Variants in MTG1 observed in about 807,000 individuals in gnomAD.
MTG1 encodes the protein mitochondrial ribosome-associated GTPase 1.
Under a neutral mutation model 39.5 loss-of-function variants are expected in MTG1, and 30 were observed. The observed-to-expected ratio is 0.76, with a 90% CI of 0.57 to 1.03. The LOEUF (loss-of-function observed/expected upper bound fraction) is 1.03, where lower values mean the gene tolerates loss of function less well. Ranked by LOEUF, MTG1 falls within the 50% of genes least tolerant of loss-of-function variation. The probability of loss-of-function intolerance (pLI) is 0.00; values close to 1 mark genes in which losing one functional copy is unlikely to be tolerated. For synonymous variants in MTG1, 217 were observed against 179.0 expected (o/e 1.21, Z -1.69); for missense variants, 513 against 447.4 (o/e 1.15, Z -1.32).
chr10:133,394,887 T>G (rs1311131841), intron 1 of MTG1: 2 of 314,014 alleles, frequency 6.4e-6, no homozygotes, highest in African/African-American at 4.5e-5. Flanking sequence ...CTGCGTCGGC[T>G]CCGCGTGTAC....
chr10:133,395,402 A>C (rs1849767468), intron 1 of MTG1, among the ~76,000 whole-genome samples: 1 of 152,166 alleles, frequency 6.6e-6, no homozygotes, highest in African/African-American at 2.4e-5. Flanking sequence ...CTCAGAAAAC[A>C]AAAAAGCGAC....
intron 9 of MTG1, among the ~76,000 whole-genome samples, chr10:133,407,828 C>T (rs1052440487): frequency 6.6e-6 from 1 of 152,166 alleles, no homozygotes; most frequent in Non-Finnish European, 1.5e-5. Flanking sequence ...CCTTGACCTC[C>T]CAAAGTGCTG....
intron 4 of MTG1, 147 bp downstream of exon 4, chr10:133,398,662 C>T (rs1033976093): frequency 2.2e-6 from 2 of 891,186 alleles, no homozygotes; most frequent in African/African-American, 3.4e-5. Context: ...GATGCGATCT[C>T]CTGGGGCAAG....
At position 133,394,166 on chromosome 10, in the gene MTG1, T is replaced by A; in HGVS notation, c.-55T>A. 2 of 1,361,176 alleles carry A rather than the reference T, an allele frequency of 1.5e-6. No individual in the cohort carries two copies. Among genetic ancestry groups the A allele is most frequent in the South Asian group, 1.3e-5 (1 of 74,752 alleles). The allele number at this position is 1,361,176 out of a possible 1,614,324, so 84.3% of individuals were successfully genotyped here. A position where few individuals can be genotyped will look rare whatever the true frequency, so the allele number is the denominator to read the frequency against. On this transcript the variant is annotated 5_prime_UTR_variant, in exon 1 of 11. Coordinates refer to ENST00000317502, the MANE Select transcript of MTG1 (RefSeq NM_138384.4). Reference sequence around the variant, plus strand: ...GCAGCGCCGGAACCTCAGAGGCGGGTCGCAGCGGCGCAGAGGAGGTCAGCT... The same window carrying A: ...GCAGCGCCGGAACCTCAGAGGCGGGACGCAGCGGCGCAGAGGAGGTCAGCT...
intron 9 of MTG1, among the ~76,000 whole-genome samples, chr10:133,417,258 A>G (rs1850145839): frequency 6.6e-6 from 1 of 151,512 alleles, no homozygotes; most frequent in Non-Finnish European, 1.5e-5. Context: ...CAGCATATAA[A>G]CAGAACCAAA....
chr10:133,402,934 C>T lies in MTG1; in HGVS notation c.752+161C>T. The T allele has an allele frequency of 1.7e-6, 1 of 581,748 alleles. No homozygotes were observed. The highest frequency in any genetic ancestry group is 3.0e-6 in the Non-Finnish European group (1 of 331,638). 36.0% of individuals were successfully genotyped at this position (581,748 alleles called of 1,614,324 possible). A position where few individuals can be genotyped will look rare whatever the true frequency, so the allele number is the denominator to read the frequency against. On this transcript the variant is annotated intron_variant, in intron 9 of 10. Transcript: ENST00000317502. This position sits in a 1 kb window ranked among gnomAD's most constrained non-coding sequence, Gnocchi z 4.7. ...CAGTTGGACAAGTTCGGGAGTATGG[C>T]TATACGTCTGTGAAAGCAACACACA...
Position 133,420,449 on chromosome 10 carries a change from T to G in MTG1, c.*284T>G, listed in dbSNP as rs1850213571. 3 of 401,164 alleles carry G rather than the reference T, an allele frequency of 7.5e-6. No homozygotes were observed. The highest frequency in any genetic ancestry group is 1.3e-5 in the Non-Finnish European group (3 of 226,700). The allele number at this position is 401,164 out of a possible 1,614,324, so 24.9% of individuals were successfully genotyped here. A position where few individuals can be genotyped will look rare whatever the true frequency, so the allele number is the denominator to read the frequency against. Reference sequence around the variant, plus strand: ...GGCCTCTTGAGAAATGGATGCTGTCTCAGAAGGAGTTAAAGCTATAACCTG... The same window carrying G: ...GGCCTCTTGAGAAATGGATGCTGTCGCAGAAGGAGTTAAAGCTATAACCTG... On this transcript the variant is annotated 3_prime_UTR_variant, in exon 11 of 11. Coordinates refer to ENST00000317502, the MANE Select transcript of MTG1 (RefSeq NM_138384.4).
At chr10:133,407,316 A>G (rs528274615) in intron 9 of MTG1, among the ~76,000 whole-genome samples, 41 of 152,152 alleles carry the variant, frequency 2.7e-4, no homozygotes, top group South Asian at 8.3e-4. Flanking sequence ...TTGTTTTTCT[A>G]TTTCTTTGCA....
intron 9 of MTG1, among the ~76,000 whole-genome samples, chr10:133,414,687 C>T (rs180710954): frequency 0.097 from 14,711 of 151,788 alleles, 833 homozygotes; most frequent in African/African-American, 0.15. Flanking sequence ...AGACGATGGG[C>T]GGCCAGGCAG....
intron 3 of MTG1, among the ~76,000 whole-genome samples, chr10:133,397,773 C>T (rs1849807910): frequency 1.5e-5 from 2 of 136,956 alleles, no homozygotes; most frequent in Non-Finnish European, 3.1e-5. Context: ...TCACTGCGTC[C>T]AGCCTGTTTT....
intron 9 of MTG1, among the ~76,000 whole-genome samples, chr10:133,408,751 C>T (rs145308322): frequency 6.6e-6 from 1 of 152,256 alleles, no homozygotes; most frequent in East Asian, 1.9e-4. Flanking sequence ...TCAAGTTTTT[C>T]CATTTCTTCA....
chr10:133,402,274 G>GCTGGGA lies in MTG1; in HGVS notation c.670+31_670+36dup. ...AGCCGGGGCTGGGGCTGGGGCTGGG[G>GCTGGGA]CTGGGACCGGGGCCCCTGCCACCCC... On this transcript the variant is annotated intron_variant, in intron 8 of 10. Coordinates refer to ENST00000317502, the MANE Select transcript of MTG1 (RefSeq NM_138384.4). The surrounding 1 kb of genome is among the most constrained non-coding windows in gnomAD (Gnocchi z 4.7). 3 of 1,276,662 alleles carry GCTGGGA rather than the reference G, an allele frequency of 2.3e-6. No homozygotes were observed. The highest frequency in any genetic ancestry group is 3.2e-6 in the Non-Finnish European group (3 of 930,026). 79.1% of individuals were successfully genotyped at this position (1,276,662 alleles called of 1,614,324 possible).
At chr10:133,395,808 C>T (rs1024371127) in intron 2 of MTG1, 31 bp downstream of exon 2, 10 of 1,608,630 alleles carry the variant, frequency 6.2e-6, no homozygotes, top group African/African-American at 2.7e-5. Context: ...GGAGGCCCCT[C>T]TGCCTGAAGT....
At chr10:133,414,897 A>T (rs560496508) in intron 9 of MTG1, among the ~76,000 whole-genome samples, 3 of 152,224 alleles carry the variant, frequency 2.0e-5, no homozygotes, top group East Asian at 3.9e-4. Flanking sequence ...AGTGAACGAG[A>T]CTCCGTCTGC....
chr10:133,401,277 G>C (rs1849870499), intron 6 of MTG1: 1 of 407,060 alleles, frequency 2.5e-6, no homozygotes, highest in East Asian at 4.6e-5. Flanking sequence ...CTTGGAAAGT[G>C]CCCTTGCTGT....
rs772694308 is a variant in MTG1, at chr10:133,402,806, C to T, written c.752+33C>T. 3 of 1,516,050 alleles carry T rather than the reference C, an allele frequency of 2.0e-6. No homozygotes were observed. The highest frequency in any genetic ancestry group is 1.4e-5 in the African/African-American group (1 of 71,766). The allele number at this position is 1,516,050 out of a possible 1,614,324, so 93.9% of individuals were successfully genotyped here. On this transcript the variant is annotated intron_variant, in intron 9 of 10. Transcript: ENST00000317502. The surrounding 1 kb of genome is among the most constrained non-coding windows in gnomAD (Gnocchi z 4.7). ...CAGTGAATGCAGGGCAGCTGGGGCC[C>T]CTCCTCCTAGTCACCTCATTTAAAA... is the stretch of plus-strand genomic sequence containing the variant.
chr10:133,418,226 C>T (rs1850165452), intron 9 of MTG1, among the ~76,000 whole-genome samples: 1 of 152,190 alleles, frequency 6.6e-6, no homozygotes, highest in Non-Finnish European at 1.5e-5. Flanking sequence ...AGGCTGGTGT[C>T]GAACTCCTGA....
intron 9 of MTG1, among the ~76,000 whole-genome samples, chr10:133,410,610 G>A (rs549670017): frequency 2.6e-5 from 4 of 152,276 alleles, no homozygotes; most frequent in African/African-American, 7.2e-5. Flanking sequence ...TTTATAACAA[G>A]TTATTTAGTT....
At position 133,415,885 on chromosome 10, in the gene MTG1, G is replaced by A. The variant is rs74670614; in HGVS notation, c.753-3595G>A. On this transcript the variant is annotated intron_variant, in intron 9 of 10. Coordinates refer to ENST00000317502, the MANE Select transcript of MTG1 (RefSeq NM_138384.4). ...TGGGTATCAGGCATGCAGTTATCAG[G>A]CATGCCGGTATCAGGCACGTGGGCC... is the stretch of plus-strand genomic sequence containing the variant. Among the ~76,000 whole-genome samples the A allele has an allele frequency of 4.2e-3, 642 of 151,606 alleles. 3 individuals are homozygous for A. The highest frequency in any genetic ancestry group is 0.015 in the African/African-American group (612 of 41,378).
Sources: gnomAD v4.1 joint callset for allele counts (sites outside exome capture counted in the v4.1 genomes callset) on GRCh38, gnomAD v4.1.1 for gene constraint, Gnocchi (gnomAD v3.1) non-coding constraint, MANE v1.5 for transcripts, NCBI Gene and HGNC (gene_info 2026-07-23, HGNC 2026-07-21) for gene names.